Variants in GLT1D1 observed in about 807,000 individuals in gnomAD.
The protein encoded by GLT1D1 is glycosyltransferase 1 domain containing 1, also known as glycosyltransferase 1 domain-containing protein 1.
Under a neutral mutation model 28.7 loss-of-function variants are expected in GLT1D1, and 21 were observed. The observed-to-expected ratio is 0.73, with a 90% CI of 0.52 to 1.05. GLT1D1 has a LOEUF of 1.05. Among genes scored for constraint, GLT1D1 ranks in the 50% least tolerant of loss-of-function variants. The pLI is 0.00. For missense variants in GLT1D1, 343 were observed against 330.6 expected (o/e 1.04, Z -0.29); for synonymous variants, 147 against 124.8 (o/e 1.18, Z -1.19).
chr12:128,881,561 A>ATATATAT (rs1201275552), intron 2 of GLT1D1, among the ~76,000 whole-genome samples: 1 of 33,726 alleles, frequency 3.0e-5, no homozygotes, highest in Non-Finnish European at 5.2e-5. Context: ...AAAAAAAAAA[A>ATATATAT]ATATATATAT....
chr12:128,981,885 C>T (rs1370955065), intron 7 of GLT1D1, among the ~76,000 whole-genome samples: 1 of 152,162 alleles, frequency 6.6e-6, no homozygotes, highest in Non-Finnish European at 1.5e-5. Context: ...TGACCCACTG[C>T]CGCTCACGTG....
intron 7 of GLT1D1, among the ~76,000 whole-genome samples, chr12:128,959,169 C>T (rs1270366714): frequency 5.3e-5 from 8 of 151,792 alleles, no homozygotes; most frequent in Non-Finnish European, 1.0e-4. Flanking sequence ...TTAGGTTTTA[C>T]GCCTAACCAT....
At chr12:128,941,569 C>CTTTTTTTTTT (rs550204231) in intron 4 of GLT1D1, among the ~76,000 whole-genome samples, 3 of 107,556 alleles carry the variant, frequency 2.8e-5, no homozygotes, top group Admixed American at 9.9e-5. Flanking sequence ...CTCTCTTTCT[C>CTTTTTTTTTT]TTTTTTTTTT....
intron 7 of GLT1D1, among the ~76,000 whole-genome samples, chr12:128,964,782 C>T (rs546713426): frequency 2.6e-4 from 40 of 152,192 alleles, no homozygotes; most frequent in African/African-American, 9.4e-4. Flanking sequence ...TGCAGGTTTA[C>T]CTGTGCAGGG....
At chr12:128,936,342 G>A (rs534491275) in intron 4 of GLT1D1, among the ~76,000 whole-genome samples, 1 of 152,164 alleles carries the variant, frequency 6.6e-6, no homozygotes, top group African/African-American at 2.4e-5. Flanking sequence ...TTTTAGTAGA[G>A]ATGGGGTTTC....
chr12:128,949,795 C>A (rs1202541794), intron 6 of GLT1D1, among the ~76,000 whole-genome samples: 1 of 151,744 alleles, frequency 6.6e-6, no homozygotes, highest in East Asian at 1.9e-4. Context: ...CACACACATG[C>A]ACCTACAGAT....
intron 7 of GLT1D1, among the ~76,000 whole-genome samples, chr12:128,974,304 G>A (rs1253451254): frequency 2.6e-5 from 4 of 152,058 alleles, no homozygotes; most frequent in Non-Finnish European, 4.4e-5. Context: ...GCTCACAGAT[G>A]GCAAGGGCTC....
At chr12:128,912,265 C>T (rs1871616986) in intron 4 of GLT1D1, among the ~76,000 whole-genome samples, 159 bp from the exon 5 acceptor site, 1 of 152,114 alleles carries the variant, frequency 6.6e-6, no homozygotes. Flanking sequence ...ATGCTTTGCT[C>T]TTACAGAGTA....
chr12:128,891,186 C>T (rs677863), intron 3 of GLT1D1, among the ~76,000 whole-genome samples: 3,915 of 150,804 alleles, frequency 0.026, 178 homozygotes, highest in African/African-American at 0.088. Flanking sequence ...CTTCCATGAT[C>T]ATATGAAAAT....
chr12:128,875,359 G>A (rs964293261), intron 1 of GLT1D1, among the ~76,000 whole-genome samples: 4 of 152,166 alleles, frequency 2.6e-5, no homozygotes, highest in South Asian at 2.1e-4. Flanking sequence ...CAATGGCCTC[G>A]GTTCCAGCCA....
intron 1 of GLT1D1, among the ~76,000 whole-genome samples, chr12:128,858,361 G>C (rs1803868957): frequency 6.6e-6 from 1 of 152,158 alleles, no homozygotes; most frequent in Admixed American, 6.5e-5. Flanking sequence ...TCCTTTGTGG[G>C]AGGAAAATCT....
At chr12:128,901,134 T>C (rs553634639) in intron 4 of GLT1D1, among the ~76,000 whole-genome samples, 13 of 152,356 alleles carry the variant, frequency 8.5e-5, no homozygotes, top group African/African-American at 3.1e-4. Context: ...AAAATGCAGC[T>C]GCCTTAATAC....
chr12:128,921,499 C>T (rs903822436), intron 4 of GLT1D1, among the ~76,000 whole-genome samples: 10 of 151,202 alleles, frequency 6.6e-5, no homozygotes, highest in Admixed American at 4.6e-4. Flanking sequence ...AACTCTATGT[C>T]TATGTATGTG....
Position 128,971,090 on chromosome 12 carries a change from A to G in GLT1D1, c.640-11839A>G, listed in dbSNP as rs1028861448. Among the ~76,000 whole-genome samples, 3 of 152,218 alleles carry G rather than the reference A, an allele frequency of 2.0e-5. No individual in the cohort carries two copies. The South Asian group carries it at 6.2e-4, about 32-fold the overall frequency. ...TTTTCTTTTCAAAGTCGCAGATGAC[A>G]GCAGTCATCCCGCCCAATCATTGGC... On this transcript the variant is annotated intron_variant, in intron 7 of 7. Transcript: ENST00000281703.
chr12:128,857,256 C>T (rs1956245429), intron 1 of GLT1D1, among the ~76,000 whole-genome samples: 3 of 151,888 alleles, frequency 2.0e-5, no homozygotes, highest in African/African-American at 7.3e-5. Flanking sequence ...AAGTGCCTGT[C>T]TTGCTAGGCC....
chr12:128,907,605 A>G (rs1448562830), intron 4 of GLT1D1, among the ~76,000 whole-genome samples: 1 of 151,984 alleles, frequency 6.6e-6, no homozygotes, highest in Non-Finnish European at 1.5e-5. Flanking sequence ...GTGCCCCGCC[A>G]CTAATCATTT....
chr12:128,966,774 G>T (rs1205355654), intron 7 of GLT1D1, among the ~76,000 whole-genome samples: 1 of 125,446 alleles, frequency 8.0e-6, no homozygotes, highest in African/African-American at 2.9e-5. Context: ...CTACTGAACT[G>T]AATAAAAAGC....
intron 4 of GLT1D1, among the ~76,000 whole-genome samples, chr12:128,919,306 A>G (rs470414): frequency 0.98 from 149,923 of 152,314 alleles, 73,833 homozygotes; most frequent in Non-Finnish European, 1. Context: ...ATCAGATACC[A>G]TCTGCCTTCT....
chr12:128,867,094 C>A (rs1477006861), intron 1 of GLT1D1, among the ~76,000 whole-genome samples: 3 of 151,782 alleles, frequency 2.0e-5, no homozygotes, highest in African/African-American at 7.2e-5. Flanking sequence ...GACCTTTTCC[C>A]TGCTCTAGAA....
Sources: allele counts gnomAD v4.1 joint callset (sites outside exome capture counted in the v4.1 genomes callset), GRCh38; gene constraint gnomAD v4.1.1; transcripts MANE v1.5; gene names NCBI Gene and HGNC (gene_info 2026-07-23, HGNC 2026-07-21).